RYR2: variants seen among roughly 807,000 people sequenced by gnomAD.
RYR2 encodes the protein cardiac muscle ryanodine receptor-calcium release channel.
Under a neutral mutation model 601.1 loss-of-function variants are expected in RYR2, and 227 were observed. The observed-to-expected ratio is 0.38, with a 90% CI of 0.34 to 0.42. The LOEUF is 0.42. Among genes scored for constraint, RYR2 ranks in the 10% least tolerant of loss-of-function variants. RYR2 has a pLI of 1.00. For synonymous variants in RYR2, 2,223 were observed against 2,175.1 expected (o/e 1.02, Z -0.61); for missense variants, 4,646 against 6,156.5 (o/e 0.75, Z 8.21).
intron 1 of RYR2, among the ~76,000 whole-genome samples, chr1:237,194,101 T>C (rs1680298724): frequency 6.6e-6 from 1 of 152,222 alleles, no homozygotes; most frequent in Non-Finnish European, 1.5e-5. Flanking sequence ...ATTCTAAATA[T>C]TTCCTTTGCA....
intron 17 of RYR2, among the ~76,000 whole-genome samples, chr1:237,481,835 A>AAAC (rs1491524691): frequency 8.5e-6 from 1 of 117,938 alleles, no homozygotes; most frequent in Non-Finnish European, 1.7e-5. Flanking sequence ...AAAAAAAAAA[A>AAAC]CCACCTCCCA....
chr1:237,367,338 T>C (rs10925385), intron 5 of RYR2, among the ~76,000 whole-genome samples: 57,678 of 151,736 alleles, frequency 0.38, 11,550 homozygotes, highest in African/African-American at 0.48. Flanking sequence ...ACGATCCACC[T>C]GTCTTGGTCT....
chr1:237,234,456 G>A (rs1462281468), intron 1 of RYR2, among the ~76,000 whole-genome samples: 1 of 152,148 alleles, frequency 6.6e-6, no homozygotes, highest in East Asian at 1.9e-4. Flanking sequence ...CAAAGCCTAT[G>A]AAATATGCAA....
intron 1 of RYR2, among the ~76,000 whole-genome samples, chr1:237,057,860 T>C (rs1473602472): frequency 6.6e-6 from 1 of 152,222 alleles, no homozygotes; most frequent in African/African-American, 2.4e-5. Flanking sequence ...TGCAGATACC[T>C]AATTACTGCT....
At chr1:237,577,375 A>G (rs995841174) in intron 29 of RYR2, among the ~76,000 whole-genome samples, 3 of 152,176 alleles carry the variant, frequency 2.0e-5, no homozygotes, top group Non-Finnish European at 4.4e-5. Flanking sequence ...TTACATAGCA[A>G]AAGAGATTTT....
At chr1:237,701,734 G>A (rs915809319) in intron 65 of RYR2, among the ~76,000 whole-genome samples, 3 of 151,366 alleles carry the variant, frequency 2.0e-5, no homozygotes, top group African/African-American at 7.3e-5. Flanking sequence ...ATGTCCATGT[G>A]TACACATGGT....
At chr1:237,085,153 C>T (rs186259432) in intron 1 of RYR2, among the ~76,000 whole-genome samples, 3 of 152,282 alleles carry the variant, frequency 2.0e-5, no homozygotes, top group African/African-American at 7.2e-5. Flanking sequence ...TATAGGCTTA[C>T]GTAGTAGAGT....
intron 29 of RYR2, among the ~76,000 whole-genome samples, chr1:237,584,749 C>A (rs552083396): frequency 7.1e-6 from 1 of 141,358 alleles, no homozygotes; most frequent in South Asian, 2.5e-4. Context: ...CAGTCTTCAA[C>A]TCCTGGGCTC....
chr1:237,475,429 G>A (rs1019310112), intron 17 of RYR2, among the ~76,000 whole-genome samples: 1 of 151,966 alleles, frequency 6.6e-6, no homozygotes, highest in African/African-American at 2.4e-5. Flanking sequence ...ATTTCTTTGA[G>A]CCTCCTGGTG....
In RYR2 at chr1:237,655,928, A is replaced by G; in HGVS notation, c.8073A>G (p.Lys2691=). The change falls in exon 53 of 105, where the codon AAA becomes AAG. Residue 2691 remains lysine, a synonymous_variant. Coordinates refer to ENST00000366574, the MANE Select transcript of RYR2 (RefSeq NM_001035.3). ...CAAATTATGTCAGTATGATGGAAAAACAGTCATCAATGGATTCTGAAGGGA... is the reference window on the plus strand; with the variant it reads ...CAAATTATGTCAGTATGATGGAAAAGCAGTCATCAATGGATTCTGAAGGGA... ...MESNYVSMME[K]QSSMDSEGNF... 1 of 1,613,338 alleles carries G rather than the reference A, an allele frequency of 6.2e-7. No homozygotes were observed. The highest frequency in any genetic ancestry group is 8.5e-7 in the Non-Finnish European group (1 of 1,179,592).
At chr1:237,347,737 T>C (rs575786652) in intron 3 of RYR2, among the ~76,000 whole-genome samples, 1 of 152,224 alleles carries the variant, frequency 6.6e-6, no homozygotes, top group South Asian at 2.1e-4. Flanking sequence ...AGTAGACTAA[T>C]ACTCCAGCTG....
intron 1 of RYR2, among the ~76,000 whole-genome samples, chr1:237,230,702 T>C (rs1373351612): frequency 6.6e-6 from 1 of 152,182 alleles, no homozygotes; most frequent in East Asian, 1.9e-4. Flanking sequence ...ATGTATCACC[T>C]GAGGTCAGGA....
At chr1:237,661,153 A>G (rs1176795144) in intron 56 of RYR2, among the ~76,000 whole-genome samples, 1 of 152,194 alleles carries the variant, frequency 6.6e-6, no homozygotes, top group East Asian at 1.9e-4. Flanking sequence ...TTTATGTACA[A>G]GCCTTCCTTT....
At chr1:237,246,137 C>T (rs268780) in intron 1 of RYR2, among the ~76,000 whole-genome samples, 71,733 of 151,384 alleles carry the variant, frequency 0.47, 17,640 homozygotes, top group Non-Finnish European at 0.56. Flanking sequence ...GCTCTTTCGC[C>T]CGAGCTGGAG....
intron 1 of RYR2, among the ~76,000 whole-genome samples, chr1:237,242,641 TAAGGGC>T (rs1686325244): frequency 6.6e-6 from 1 of 152,148 alleles, no homozygotes; most frequent in Non-Finnish European, 1.5e-5. Flanking sequence ...TACTATGCAC[TAAGGGC>T]TTGAGAAAAT....
chr1:237,354,088 T>C (rs1349033822), intron 3 of RYR2, among the ~76,000 whole-genome samples: 1 of 152,222 alleles, frequency 6.6e-6, no homozygotes, highest in African/African-American at 2.4e-5. Context: ...TTTAACCCTG[T>C]GGACCATTTG....
chr1:237,127,320 GT>G (rs1262889694), intron 1 of RYR2, among the ~76,000 whole-genome samples: 1 of 151,468 alleles, frequency 6.6e-6, no homozygotes, highest in Non-Finnish European at 1.5e-5. Context: ...AGACAGGGTG[GT>G]GGCCGGGCAG....
intron 19 of RYR2, 76 bp downstream of exon 19, chr1:237,493,163 T>G: frequency 3.3e-6 from 5 of 1,523,734 alleles, no homozygotes; most frequent in Non-Finnish European, 4.5e-6. Context: ...TAGCTGATAC[T>G]ATATGGTCTG....
intron 81 of RYR2, among the ~76,000 whole-genome samples, chr1:237,757,294 A>G (rs527582681): frequency 3.4e-4 from 52 of 152,316 alleles, no homozygotes; most frequent in African/African-American, 1.2e-3. Context: ...AAAGTTCTTC[A>G]TATATAATAC....
Sources: allele counts gnomAD v4.1 joint callset (sites outside exome capture counted in the v4.1 genomes callset), GRCh38; gene constraint gnomAD v4.1.1; transcripts MANE v1.5; gene names NCBI Gene and HGNC (gene_info 2026-07-23, HGNC 2026-07-21).